Variants in DLG2 observed in about 807,000 individuals in gnomAD.
DLG2 encodes the protein disks large homolog 2.
DLG2 carries 45 observed loss-of-function variants against 132.5 expected under a neutral mutation model. The observed-to-expected ratio is 0.34, with a 90% CI of 0.27 to 0.44. The LOEUF is 0.44. DLG2 is among the 20% of genes least tolerant of loss of function. DLG2 has a pLI of 1.00. For missense variants in DLG2, 1,045 were observed against 1,196.9 expected, an observed-to-expected ratio of 0.87 and a Z score of 1.87; for synonymous variants, 424 against 419.6, an observed-to-expected ratio of 1.01 and a Z score of -0.13.
At chr11:83,627,204 ATTTT>A (rs1336005804) in intron 19 of DLG2, among the ~76,000 whole-genome samples, 1 of 151,284 alleles carries the variant, frequency 6.6e-6, no homozygotes, top group Admixed American at 6.6e-5. Context: ...TTATTTATTT[ATTTT>A]ATTTTATTAT....
At chr11:85,051,781 C>T (rs1244012583) in intron 6 of DLG2, among the ~76,000 whole-genome samples, 2 of 151,998 alleles carry the variant, frequency 1.3e-5, no homozygotes, top group South Asian at 2.1e-4. Context: ...ATTATATCTT[C>T]CTCAGAGGGT....
intron 6 of DLG2, among the ~76,000 whole-genome samples, chr11:85,025,910 A>C (rs1171704718): frequency 6.6e-6 from 1 of 151,882 alleles, no homozygotes; most frequent in African/African-American, 2.4e-5. Flanking sequence ...TTAGATACAC[A>C]TGATTATCTA....
At position 84,785,001 on chromosome 11, in the gene DLG2, C is replaced by T. The variant is rs1472874175; in HGVS notation, c.358-250270G>A. ...GTGAGGTAATGCATATGTTAATTAG[C>T]TAGATTTAATCATTCTACGATGTAT... On this transcript the variant is annotated intron_variant, in intron 6 of 27. Coordinates refer to ENST00000376104, the MANE Select transcript of DLG2 (RefSeq NM_001142699.3). 2.6e-5 allele frequency among the ~76,000 whole-genome samples: 4 copies of T among 152,120 alleles called. No homozygotes were observed. The East Asian group carries it at 7.7e-4, about 29-fold the overall frequency.
chr11:84,619,642 T>C (rs1001038921), intron 6 of DLG2, among the ~76,000 whole-genome samples: 3 of 151,142 alleles, frequency 2.0e-5, no homozygotes, highest in African/African-American at 7.3e-5. Context: ...CATGATCATC[T>C]CAACAAATAT....
intron 14 of DLG2, 118 bp downstream of exon 14, chr11:83,962,767 G>C (rs2089179156): frequency 3.0e-6 from 4 of 1,315,254 alleles, no homozygotes; most frequent in Non-Finnish European, 4.2e-6. Context: ...ACTACAATAA[G>C]GTTGAATGGG....
chr11:85,017,081 A>G (rs775048800), intron 6 of DLG2, among the ~76,000 whole-genome samples: 1 of 152,184 alleles, frequency 6.6e-6, no homozygotes, highest in South Asian at 2.1e-4. Context: ...TGCTACAGAT[A>G]TCTTATGGTC....
chr11:84,684,731 T>G lies in DLG2; in HGVS notation c.358-150000A>C, dbSNP rs969237995. 2.6e-5 allele frequency among the ~76,000 whole-genome samples: 4 copies of G among 152,148 alleles called. No homozygotes were observed. The East Asian group carries it at 7.7e-4, about 29-fold the overall frequency. On this transcript the variant is annotated intron_variant, in intron 6 of 27. Coordinates refer to ENST00000376104, the MANE Select transcript of DLG2 (RefSeq NM_001142699.3). The stretch of plus-strand genomic sequence containing the variant: ...TCTCAGAACTGTTGTAAAATTTCCA[T>G]GAAACCAAATAAATAAATCACTATA...
chr11:84,726,575 C>T (rs914302147), intron 6 of DLG2, among the ~76,000 whole-genome samples: 2 of 151,998 alleles, frequency 1.3e-5, no homozygotes, highest in Admixed American at 6.5e-5. Flanking sequence ...AGTAAACATG[C>T]GTGTGTATGT....
rs1029976765 is a variant in DLG2 at position 84,447,663 on chromosome 11, T to TTTTA, written c.519+86903_519+86906dup. On this transcript the variant is annotated intron_variant, in intron 7 of 27. Coordinates refer to ENST00000376104, the MANE Select transcript of DLG2 (RefSeq NM_001142699.3). Reference sequence around the variant, plus strand: ...TTTTTCTTTCTTTTTCTTTTCTAAGTTTTATTTATTTATTTATTTATTTAG... The same window carrying TTTTA: ...TTTTTCTTTCTTTTTCTTTTCTAAGTTTTATTTATTTATTTATTTATTTATTTAG... Among the ~76,000 whole-genome samples the TTTTA allele has an allele frequency of 6.0e-4, 91 of 152,086 alleles. 1 individual carries two copies. Among genetic ancestry groups the TTTTA allele is most frequent in the South Asian group, 3.3e-3 (16 of 4,814 alleles).
chr11:85,463,011 C>A (rs1284320325), intron 3 of DLG2, among the ~76,000 whole-genome samples: 4 of 152,194 alleles, frequency 2.6e-5, no homozygotes, highest in Non-Finnish European at 5.9e-5. Flanking sequence ...AGGCAGCCAT[C>A]TGCCCAAGGG....
chr11:84,058,056 C>G (rs896197166), intron 11 of DLG2, among the ~76,000 whole-genome samples: 1 of 152,120 alleles, frequency 6.6e-6, no homozygotes, highest in Non-Finnish European at 1.5e-5. Context: ...TAAGATGACT[C>G]TGCTAGCAAG....
At chr11:85,026,623 G>A (rs577917170) in intron 6 of DLG2, among the ~76,000 whole-genome samples, 4 of 152,214 alleles carry the variant, frequency 2.6e-5, no homozygotes, top group African/African-American at 9.6e-5. Flanking sequence ...GGATCACAAG[G>A]TCAGGAGATC....
chr11:85,349,124 C>T (rs2083084960), intron 3 of DLG2, among the ~76,000 whole-genome samples: 1 of 152,160 alleles, frequency 6.6e-6, no homozygotes, highest in Non-Finnish European at 1.5e-5. Flanking sequence ...TCAGGCTCAA[C>T]TGACCAGCAT....
chr11:84,973,523 A>G (rs1377732856), intron 6 of DLG2, among the ~76,000 whole-genome samples: 5 of 152,210 alleles, frequency 3.3e-5, no homozygotes, highest in African/African-American at 1.2e-4. Context: ...AAAGGTCAGC[A>G]AAAGGTAATC....
chr11:84,914,164 A>T (rs1414886372), intron 6 of DLG2, among the ~76,000 whole-genome samples: 1 of 152,232 alleles, frequency 6.6e-6, no homozygotes, highest in Non-Finnish European at 1.5e-5. Context: ...CTAGTCATCT[A>T]ACTTTCATTT....
At chr11:84,412,039 C>T (rs917801659) in intron 7 of DLG2, among the ~76,000 whole-genome samples, 11 of 150,216 alleles carry the variant, frequency 7.3e-5, no homozygotes, top group South Asian at 4.2e-4. Flanking sequence ...GAGGAGTGTG[C>T]GAACCCAAGC....
intron 17 of DLG2, among the ~76,000 whole-genome samples, chr11:83,820,822 T>C (rs1565201793): frequency 6.6e-6 from 1 of 152,186 alleles, no homozygotes. Flanking sequence ...CTGATCCATA[T>C]TTAGTTATTC....
At chr11:84,262,368 T>A (rs2097558088) in intron 7 of DLG2, among the ~76,000 whole-genome samples, 1 of 152,116 alleles carries the variant, frequency 6.6e-6, no homozygotes, top group African/African-American at 2.4e-5. Context: ...AACTAAGAAC[T>A]CAAAAATCAC....
At chr11:84,021,425 A>G (rs775609844) in intron 11 of DLG2, among the ~76,000 whole-genome samples, 3 of 152,134 alleles carry the variant, frequency 2.0e-5, no homozygotes, top group Non-Finnish European at 4.4e-5. Context: ...CCTATTCTTG[A>G]CGAAAGAGCT....
Sources: allele counts gnomAD v4.1 joint callset (sites outside exome capture counted in the v4.1 genomes callset), GRCh38; gene constraint gnomAD v4.1.1; transcripts MANE v1.5; gene names NCBI Gene and HGNC (gene_info 2026-07-23, HGNC 2026-07-21).